The following ANKRD18A variants were observed in gnomAD, a reference collection of about 807,000 sequenced individuals.
ANKRD18A encodes the protein ankyrin repeat domain 18A.
In ANKRD18A, 72 loss-of-function variants were observed where a neutral mutation model predicts 110.6. The ratio of observed to expected loss-of-function variants is 0.65; its 90% CI spans 0.54 to 0.79. The LOEUF is 0.79. Among genes scored for constraint, ANKRD18A ranks in the 30% least tolerant of loss-of-function variants. ANKRD18A has a pLI of 0.00. For synonymous variants in ANKRD18A, 305 were observed against 410.3 expected, an observed-to-expected ratio of 0.74 and a Z score of 3.10; for missense variants, 934 against 1,163.3, an observed-to-expected ratio of 0.80 and a Z score of 2.87.
At chr9:38,609,523 A>T (rs1230665195) in intron 5 of ANKRD18A, among the ~76,000 whole-genome samples, 1 of 151,850 alleles carries the variant, frequency 6.6e-6, no homozygotes, top group Non-Finnish European at 1.5e-5. Flanking sequence ...GTAGCTGTGG[A>T]CTCTGTGTAT....
At chr9:38,568,969 G>A, downstream of ANKRD18A, 1 of 985,410 alleles carries the variant, frequency 1.0e-6, no homozygotes. Flanking sequence ...CTTCCCTCCA[G>A]GGACATCAAA....
Position 38,620,094 on chromosome 9 carries a change from G to C in ANKRD18A, c.192C>G (p.Arg64=). The change falls in exon 1 of 16, where the codon CGC becomes CGG. Residue 64 remains arginine (R), a synonymous_variant. Transcript: ENST00000399703. The part of the protein sequence containing the change: ...LTRRFRDLDA[R]DRKDRTVLHL... The stretch of plus-strand genomic sequence containing the variant: ...CCCCGAGCTACCTGTCTTTTCTGTC[G>C]CGGGCGTCCAAGTCCCGGAACCTGC... The C allele has an allele frequency of 6.4e-7, 1 of 1,553,340 alleles. No homozygotes were observed. Among genetic ancestry groups the C allele is most frequent in the Non-Finnish European group, 8.7e-7 (1 of 1,148,298 alleles).
rs891515876 is a variant in ANKRD18A at position 38,615,943 on chromosome 9, G to A, written c.308C>T (p.Thr103Ile). 6 of 1,569,274 alleles carry A rather than the reference G, an allele frequency of 3.8e-6. No individual in the cohort carries two copies. The highest frequency in any genetic ancestry group is 5.2e-6 in the Non-Finnish European group (6 of 1,156,476). The change falls in exon 2 of 16, where the codon ACA (threonine) becomes ATA (isoleucine). Residue 103 changes from threonine (T) to isoleucine (I), a missense_variant. Thr to Ile is a moderately conservative substitution (Grantham distance 89). Transcript: ENST00000399703. ...GCTACTATATACCTTCATTAAAGGT[G>A]TCCTGTTTAGTCTGTCACAGATGTC... ...QIDICDRLNR[T>I]PLMKAVHSQE...
intron 14 of ANKRD18A, among the ~76,000 whole-genome samples, chr9:38,576,461 C>T (rs184670415): frequency 6.6e-6 from 1 of 152,206 alleles, no homozygotes; most frequent in Non-Finnish European, 1.5e-5. Context: ...TTTTTGAACC[C>T]TTGTGGATTA....
At chr9:38,584,834 A>G (rs1366611356) in intron 12 of ANKRD18A, among the ~76,000 whole-genome samples, 1 of 152,174 alleles carries the variant, frequency 6.6e-6, no homozygotes, top group Non-Finnish European at 1.5e-5. Context: ...GTTTCTATCT[A>G]AAGGGTCTGG....
rs879190756 is a variant in ANKRD18A at position 38,572,183 on chromosome 9, A to G, written c.2965-124T>C. On this transcript the variant is annotated intron_variant, in intron 15 of 15. Transcript: ENST00000399703. ...TAAGAATGAGAAATATGTACGTGCA[A>G]TTACAATACAAAATTACTATTAAAT... The G allele has an allele frequency of 1.9e-5, 12 of 617,290 alleles. No individual in the cohort carries two copies. The South Asian group carries it at 2.2e-4, about 12-fold the overall frequency. The allele number at this position is 617,290 out of a possible 1,614,324, so 38.2% of individuals were successfully genotyped here. A position where few individuals can be genotyped will look rare whatever the true frequency, so the allele number is the denominator to read the frequency against.
chr9:38,573,156 T>C (rs1325026166), intron 15 of ANKRD18A: 2 of 1,129,282 alleles, frequency 1.8e-6, no homozygotes, highest in South Asian at 6.4e-5. Flanking sequence ...ATAATAATAA[T>C]AATGTTTAAG....
rs189346260 is a variant in ANKRD18A, at chr9:38,612,479, G to C, written c.496-1158C>G. ...TACTGATGTATAGGGCTTGTTTCTA[G>C]CATAATAAGAGCCAATAAGTCACTT... On this transcript the variant is annotated intron_variant, in intron 3 of 15. Coordinates refer to ENST00000399703, the MANE Select transcript of ANKRD18A (RefSeq NM_147195.4). Among the ~76,000 whole-genome samples the C allele has an allele frequency of 9.3e-3, 1,402 of 150,016 alleles. 17 individuals are homozygous for C. The highest frequency in any genetic ancestry group is 0.016 in the Non-Finnish European group (1,074 of 67,694).
rs12006286 is a variant in ANKRD18A at position 38,586,332 on chromosome 9, A to T, written c.2118-20T>A. Reference sequence around the variant, plus strand: ...TTATATCTGCAGAAATGTAAGAACTAGTAAGTCAAGTATTTTTAAGAGTAA... The same window carrying T: ...TTATATCTGCAGAAATGTAAGAACTTGTAAGTCAAGTATTTTTAAGAGTAA... On this transcript the variant is annotated intron_variant, in intron 11 of 15. Coordinates refer to ENST00000399703, the MANE Select transcript of ANKRD18A (RefSeq NM_147195.4). 6.7e-6 allele frequency: 10 copies of T among 1,498,084 alleles called. No individual in the cohort carries two copies. The South Asian group carries it at 1.3e-4, about 19-fold the overall frequency. 92.8% of individuals were successfully genotyped at this position (1,498,084 alleles called of 1,614,324 possible).
chr9:38,582,692 A>G (rs546149439), intron 12 of ANKRD18A, among the ~76,000 whole-genome samples: 1 of 152,350 alleles, frequency 6.6e-6, no homozygotes, highest in South Asian at 2.1e-4. Context: ...TTTAAAAATT[A>G]ACTCAAAACA....
chr9:38,596,456 T>G (rs1824886689), intron 8 of ANKRD18A, 53 bp from the exon 9 acceptor site: 2 of 1,323,286 alleles, frequency 1.5e-6, no homozygotes, highest in Non-Finnish European at 2.0e-6. Flanking sequence ...TAATCTATGA[T>G]GGTTATTTCT....
chr9:38,588,678 T>C lies in ANKRD18A; in HGVS notation c.2005-15A>G. ...TTTTCTTCAGGCTTGAAAAAAAGTG[T>C]TTAAAATTATTTTTGTAAAATCTAG... On this transcript the variant is annotated splice_polypyrimidine_tract_variant and intron_variant, in intron 10 of 15. Transcript: ENST00000399703. 2 of 1,301,398 alleles carry C rather than the reference T, an allele frequency of 1.5e-6. No individual in the cohort carries two copies. Among genetic ancestry groups the C allele is most frequent in the Non-Finnish European group, 1.0e-6 (1 of 1,000,368 alleles). The allele number at this position is 1,301,398 out of a possible 1,614,324, so 80.6% of individuals were successfully genotyped here.
At chr9:38,605,325 GA>G (rs951153722) in intron 6 of ANKRD18A, among the ~76,000 whole-genome samples, 11 of 152,208 alleles carry the variant, frequency 7.2e-5, no homozygotes, top group Non-Finnish European at 1.6e-4. Context: ...AAACTCTGTT[GA>G]AAAAACACAA....
chr9:38,604,871 C>T (rs1825283332), intron 6 of ANKRD18A: 1 of 155,286 alleles, frequency 6.4e-6, no homozygotes, highest in African/African-American at 2.4e-5. Context: ...ACCTTTTGAA[C>T]TTGCTCCTTG....
chr9:38,603,168 G>A lies in ANKRD18A; in HGVS notation c.853C>T (p.Arg285Cys), dbSNP rs632223. 1.9e-5 allele frequency: 30 copies of A among 1,550,788 alleles called. 1 individual carries two copies. Among genetic ancestry groups the A allele is most frequent in the South Asian group, 1.9e-4 (16 of 84,044 alleles). ...KPANLKKRKE[R>C]AKAEHNLKVA... ...AACTCAAGTGTCTTACCTTTTGCAC[G>A]TTCTTTTCTTTTTTTCAAATTTGCA... is the stretch of plus-strand genomic sequence containing the variant. Residue 285 changes from arginine to cysteine, a missense_variant, in exon 7 of 16, where the codon CGT becomes TGT. Around this residue, in one of 4 missense-constraint regions of ANKRD18A, gnomAD observed 630 missense variants for 797.5 expected, o/e 0.79. Transcript: ENST00000399703.
At chr9:38,611,390 T>C in intron 3 of ANKRD18A, 69 bp from the exon 4 acceptor site, 1 of 1,497,786 alleles carries the variant, frequency 6.7e-7, no homozygotes, top group Non-Finnish European at 8.9e-7. Context: ...AAAAATCTTC[T>C]ATAAGATGCT....
intron 12 of ANKRD18A, among the ~76,000 whole-genome samples, chr9:38,579,083 A>C (rs1230605981): frequency 1.3e-5 from 2 of 152,236 alleles, no homozygotes; most frequent in African/African-American, 4.8e-5. Flanking sequence ...CCAAGAACAT[A>C]CATTGGGGAA....
In ANKRD18A at chr9:38,611,266, T is replaced by C. The variant is rs1230705195; in HGVS notation, c.551A>G (p.Glu184Gly). The C allele has an allele frequency of 6.5e-7, 1 of 1,532,124 alleles. No homozygotes were observed. Among genetic ancestry groups the C allele is most frequent in the Non-Finnish European group, 8.8e-7 (1 of 1,140,586 alleles). 94.9% of individuals were successfully genotyped at this position (1,532,124 alleles called of 1,614,324 possible). A position where few individuals can be genotyped will look rare whatever the true frequency, so the allele number is the denominator to read the frequency against. Residue 184 changes from glutamate (E) to glycine (G), a missense_variant, in exon 4 of 16, where the codon GAA becomes GGA. This residue lies in a region of ANKRD18A where 630 missense variants were observed against 797.5 expected (regional missense o/e 0.79). Transcript: ENST00000399703. ...ATTTGCCTGGTTCTTCAATAAAAATTCCACCATATGCTGTCTCCTGGAATT... is the reference window on the plus strand; with the variant it reads ...ATTTGCCTGGTTCTTCAATAAAAATCCCACCATATGCTGTCTCCTGGAATT... ...AINSRRQHMV[E>G]FLLKNQANIH...
chr9:38,613,168 G>A (rs1278512366), intron 3 of ANKRD18A, among the ~76,000 whole-genome samples: 1 of 151,746 alleles, frequency 6.6e-6, no homozygotes, highest in African/African-American at 2.4e-5. Flanking sequence ...TACTCAGGTG[G>A]GCACAGTAGC....
Sources: gnomAD v4.1 joint callset for allele counts (sites outside exome capture counted in the v4.1 genomes callset) on GRCh38, gnomAD v4.1.1 for gene constraint, gnomAD v4.1.1 regional missense constraint, MANE v1.5 for transcripts, NCBI Gene and HGNC (gene_info 2026-07-23, HGNC 2026-07-21) for gene names.